SPIC: variants seen among roughly 807,000 people sequenced by gnomAD.
SPIC encodes transcription factor Spi-C.
SPIC carries 9 observed loss-of-function variants against 16.7 expected under a neutral mutation model. The ratio of observed to expected loss-of-function variants is 0.54; its 90% CI spans 0.33 to 0.94. The LOEUF (loss-of-function observed/expected upper bound fraction) is 0.94, where lower values mean the gene tolerates loss of function less well. Among genes scored for constraint, SPIC ranks in the 40% least tolerant of loss-of-function variants. SPIC has a pLI of 0.03. For synonymous variants in SPIC, 97 were observed against 102.9 expected, an observed-to-expected ratio of 0.94 and a Z score of 0.35; for missense variants, 241 against 285.8, an observed-to-expected ratio of 0.84 and a Z score of 1.13.
chr12:101,476,819 C>T lies in SPIC; in HGVS notation c.-77-9C>T, dbSNP rs1177866669. 1.5e-5 allele frequency: 14 copies of T among 964,192 alleles called. No individual in the cohort carries two copies. The highest frequency in any genetic ancestry group is 8.3e-5 in the East Asian group (3 of 36,004). The allele number at this position is 964,192 out of a possible 1,614,324, so 59.7% of individuals were successfully genotyped here. On this transcript the variant is annotated splice_polypyrimidine_tract_variant and intron_variant, in intron 1 of 5. Coordinates refer to ENST00000551346, the MANE Select transcript of SPIC (RefSeq NM_152323.3). ...TTAATTTTGCTTTTTAAATATTAAA[C>T]TTTTTCAGGATTGTCAACTTATTTT... is the stretch of plus-strand genomic sequence containing the variant.
intron 3 of SPIC, among the ~76,000 whole-genome samples, chr12:101,477,970 C>T (rs1873010828): frequency 1.3e-5 from 2 of 151,928 alleles, no homozygotes; most frequent in South Asian, 2.1e-4. Flanking sequence ...GCCGAGATGG[C>T]GCCACTGTAT....
chr12:101,483,056 A>G (rs981320849), intron 5 of SPIC, among the ~76,000 whole-genome samples, 156 bp downstream of exon 5: 1 of 150,766 alleles, frequency 6.6e-6, no homozygotes, highest in Non-Finnish European at 1.5e-5. Context: ...GAAACAGTCC[A>G]AGCCATTCAT....
At chr12:101,484,607 C>A (rs932578259) in intron 5 of SPIC, among the ~76,000 whole-genome samples, 1 of 150,766 alleles carries the variant, frequency 6.6e-6, no homozygotes, top group African/African-American at 2.4e-5. Context: ...GGAGTCTCTC[C>A]GAACCTATTC....
At chr12:101,483,030 T>C (rs1873256523) in intron 5 of SPIC, 130 bp downstream of exon 5, 3 of 739,504 alleles carry the variant, frequency 4.1e-6, no homozygotes. Context: ...TGAGAGTAAT[T>C]TAACTCTGAC....
intron 4 of SPIC, among the ~76,000 whole-genome samples, chr12:101,482,189 G>A (rs1018425848): frequency 6.7e-5 from 10 of 149,530 alleles, no homozygotes; most frequent in African/African-American, 1.7e-4. Context: ...CCAAGATCGC[G>A]CCATTGCACT....
intron 5 of SPIC, among the ~76,000 whole-genome samples, chr12:101,485,874 C>G (rs777101716): frequency 4.6e-5 from 7 of 152,326 alleles, no homozygotes; most frequent in Non-Finnish European, 8.8e-5. Flanking sequence ...GCCTCCACCT[C>G]AAATGATTCT....
At chr12:101,481,596 G>A (rs1055649033) in intron 4 of SPIC, among the ~76,000 whole-genome samples, 6 of 146,616 alleles carry the variant, frequency 4.1e-5, no homozygotes, top group African/African-American at 7.6e-5. Context: ...TGCATCCTCC[G>A]CCTCCCAGGT....
chr12:101,486,184 C>T (rs1207923361), intron 5 of SPIC, among the ~76,000 whole-genome samples, 160 bp from the exon 6 acceptor site: 1 of 152,170 alleles, frequency 6.6e-6, no homozygotes. Context: ...ACCTTCGAAT[C>T]CCATAAAATG....
chr12:101,479,319 G>GAAAGAAAGAA (rs1873109071), intron 3 of SPIC, among the ~76,000 whole-genome samples: 3 of 135,424 alleles, frequency 2.2e-5, no homozygotes, highest in Non-Finnish European at 4.7e-5. Flanking sequence ...AAGAAAGAAA[G>GAAAGAAAGAA]AAAGAAAGAA....
chr12:101,476,734 G>A, intron 1 of SPIC, 94 bp from the exon 2 acceptor site: 1 of 400,844 alleles, frequency 2.5e-6, no homozygotes, highest in Non-Finnish European at 4.5e-6. Context: ...GTTTATGTAA[G>A]GTATTTTCAG....
At chr12:101,477,472 C>CT in intron 2 of SPIC, 86 bp from the exon 3 acceptor site, 5 of 1,292,342 alleles carry the variant, frequency 3.9e-6, no homozygotes, top group Non-Finnish European at 5.5e-6. Flanking sequence ...AGAAACCCTC[C>CT]TTTAGACTAA....
At position 101,479,219 on chromosome 12, in the gene SPIC, A is replaced by AGAAAGAAAGAAAG. The variant is rs1491303702; in HGVS notation, c.98-360_98-359insAGAAAGAAAGGAA. 3.4e-3 allele frequency among the ~76,000 whole-genome samples: 280 copies of AGAAAGAAAGAAAG among 83,360 alleles called. 28 individuals are homozygous for AGAAAGAAAGAAAG. Among genetic ancestry groups the AGAAAGAAAGAAAG allele is most frequent in the African/African-American group, 9.8e-3 (263 of 26,786 alleles). 54.7% of individuals were successfully genotyped at this position (83,360 alleles called of 152,430 possible). A position where few individuals can be genotyped will look rare whatever the true frequency, so the allele number is the denominator to read the frequency against. ...AAGAAAGAAAGAAAGAAAGAAAGAAAGAAGGAAAGAAAGAAAGAAAGAAAA... is the reference window on the plus strand; with the variant it reads ...AAGAAAGAAAGAAAGAAAGAAAGAAAGAAAGAAAGAAAGGAAGGAAAGAAAGAAAGAAAGAAAA... On this transcript the variant is annotated intron_variant, in intron 3 of 5. Coordinates refer to ENST00000551346, the MANE Select transcript of SPIC (RefSeq NM_152323.3).
chr12:101,479,520 A>T (rs1873120388), intron 3 of SPIC, 62 bp from the exon 4 acceptor site: 1 of 1,271,734 alleles, frequency 7.9e-7, no homozygotes, highest in Non-Finnish European at 1.1e-6. Flanking sequence ...ATATACACAC[A>T]TATTTATATG....
rs778081215 is a variant in SPIC at position 101,477,634 on chromosome 12, A to T, written c.80A>T (p.Asp27Val). The change falls in exon 3 of 6, where the codon GAT (aspartate) becomes GTT (valine). Residue 27 changes from aspartate (D) to valine (V), a missense_variant. Physicochemically the swap from Asp to Val is radical, Grantham distance 152 (BLOSUM62 -3). Transcript: ENST00000551346. ...FEVLRQHSTG[D>V]LQYSPDYRNY... ...GTTCTGAGGCAACATTCAACTGGAG[A>T]TCTTCAGTACTCGCCAGGTAAAGAT... 1 of 1,612,898 alleles carries T rather than the reference A, an allele frequency of 6.2e-7. No homozygotes were observed. The highest frequency in any genetic ancestry group is 1.3e-5 in the African/African-American group (1 of 74,882).
At chr12:101,485,540 A>C (rs1306917049) in intron 5 of SPIC, among the ~76,000 whole-genome samples, 1 of 152,014 alleles carries the variant, frequency 6.6e-6, no homozygotes, top group African/African-American at 2.4e-5. Flanking sequence ...CTCCTTTTTT[A>C]TTTTTCAAGT....
At chr12:101,484,963 C>A (rs1593494742) in intron 5 of SPIC, among the ~76,000 whole-genome samples, 1 of 152,276 alleles carries the variant, frequency 6.6e-6, no homozygotes, top group East Asian at 1.9e-4. Flanking sequence ...CCAATTTGAT[C>A]ACTGAATGAG....
chr12:101,483,041 T>C (rs540066538), intron 5 of SPIC, 141 bp downstream of exon 5: 71 of 689,488 alleles, frequency 1.0e-4, no homozygotes, highest in Non-Finnish European at 6.4e-5. Context: ...TAACTCTGAC[T>C]TCTTGAAACA....
rs1440352615 is a variant in SPIC, at chr12:101,476,994, C to T, written c.3+87C>T. ...TTAAAAAACTTTTTTCTTTACTCTC[C>T]CTCCATTTTAAAAATAAAATATATC... On this transcript the variant is annotated intron_variant, in intron 2 of 5. Transcript: ENST00000551346. 11 of 698,256 alleles carry T rather than the reference C, an allele frequency of 1.6e-5. No individual in the cohort carries two copies. The South Asian group carries it at 4.6e-4, about 29-fold the overall frequency. 43.3% of individuals were successfully genotyped at this position (698,256 alleles called of 1,614,324 possible). A position where few individuals can be genotyped will look rare whatever the true frequency, so the allele number is the denominator to read the frequency against.
chr12:101,479,218 AAG>A (rs1208995064), intron 3 of SPIC, among the ~76,000 whole-genome samples: 2 of 122,394 alleles, frequency 1.6e-5, no homozygotes, highest in Non-Finnish European at 3.6e-5. Context: ...GAAAGAAAGA[AAG>A]AAGGAAAGAA....
Sources: gnomAD v4.1 joint callset for allele counts (sites outside exome capture counted in the v4.1 genomes callset) on GRCh38, gnomAD v4.1.1 for gene constraint, MANE v1.5 for transcripts, NCBI Gene and HGNC (gene_info 2026-07-23, HGNC 2026-07-21) for gene names.